The following EPHA6 variants were observed in gnomAD, a reference collection of about 807,000 sequenced individuals.
EPHA6 encodes the protein EPH receptor A6, also known as ephrin type-A receptor 6.
EPHA6 carries 50 observed loss-of-function variants against 112.0 expected under a neutral mutation model. The observed-to-expected ratio is 0.45, with a 90% confidence interval of 0.36 to 0.56. The LOEUF is 0.56. Ranked by LOEUF, EPHA6 falls within the 20% of genes least tolerant of loss-of-function variation. The probability of loss-of-function intolerance (pLI) is 0.00; values close to 1 mark genes in which losing one functional copy is unlikely to be tolerated. For missense variants in EPHA6, 1,280 were observed against 1,417.4 expected (o/e 0.90, Z 1.56); for synonymous variants, 529 against 490.7 (o/e 1.08, Z -1.03).
At chr3:97,159,009 T>C (rs2076353298) in intron 3 of EPHA6, among the ~76,000 whole-genome samples, 1 of 152,148 alleles carries the variant, frequency 6.6e-6, no homozygotes. Flanking sequence ...TCCCTTTGGC[T>C]AAATGAGTTT....
At chr3:97,056,758 C>T (rs938699955) in intron 3 of EPHA6, among the ~76,000 whole-genome samples, 10 of 152,094 alleles carry the variant, frequency 6.6e-5, no homozygotes, top group Admixed American at 1.3e-4. Flanking sequence ...GTTTGCAACG[C>T]GGCATCTTCA....
At position 97,748,743 on chromosome 3, in the gene EPHA6, A is replaced by C; in HGVS notation, c.*42A>C. 2.0e-6 allele frequency: 2 copies of C among 1,008,700 alleles called. No individual in the cohort carries two copies. The highest frequency in any genetic ancestry group is 2.6e-5 in the South Asian group (2 of 75,676). 62.5% of individuals were successfully genotyped at this position (1,008,700 alleles called of 1,614,324 possible). A position where few individuals can be genotyped will look rare whatever the true frequency, so the allele number is the denominator to read the frequency against. On this transcript the variant is annotated 3_prime_UTR_variant, in exon 18 of 18. Coordinates refer to ENST00000389672, the MANE Select transcript of EPHA6 (RefSeq NM_001080448.3). ...TGTGTTTTGTGCCTCAGCATTTCTA[A>C]AATGAACGATATCCTCTCTACTACT...
intron 14 of EPHA6, among the ~76,000 whole-genome samples, chr3:97,697,998 T>TTTTG (rs992947935): frequency 5.9e-5 from 9 of 152,276 alleles, no homozygotes; most frequent in South Asian, 2.1e-4. Context: ...AATGCATGTT[T>TTTTG]TTTGTTTGTT....
intron 5 of EPHA6, among the ~76,000 whole-genome samples, chr3:97,245,847 GCA>G (rs145664862): frequency 1.3e-5 from 2 of 150,000 alleles, no homozygotes; most frequent in Admixed American, 6.7e-5. Flanking sequence ...TAAATGTCAT[GCA>G]CACACACACA....
chr3:97,328,534 AATTG>A (rs2082598946), intron 5 of EPHA6, among the ~76,000 whole-genome samples: 1 of 151,698 alleles, frequency 6.6e-6, no homozygotes, highest in African/African-American at 2.4e-5. Flanking sequence ...CACATTCTCT[AATTG>A]ATTGTTTTTT....
At chr3:97,613,785 G>T (rs1211476287) in intron 13 of EPHA6, among the ~76,000 whole-genome samples, 1 of 152,196 alleles carries the variant, frequency 6.6e-6, no homozygotes. Flanking sequence ...TCACCAATGT[G>T]CAGAATTTTT....
At chr3:97,061,692 A>G (rs2046026516) in intron 3 of EPHA6, among the ~76,000 whole-genome samples, 1 of 152,192 alleles carries the variant, frequency 6.6e-6, no homozygotes. Flanking sequence ...GCTATCTCTG[A>G]AAGTCACTTA....
intron 5 of EPHA6, among the ~76,000 whole-genome samples, chr3:97,384,341 G>A (rs2085930211): frequency 6.6e-6 from 1 of 152,196 alleles, no homozygotes; most frequent in Admixed American, 6.5e-5. Flanking sequence ...TGACCAGTGA[G>A]AAGCAATGCT....
At chr3:97,004,442 C>A (rs1431362436) in intron 3 of EPHA6, among the ~76,000 whole-genome samples, 1 of 152,044 alleles carries the variant, frequency 6.6e-6, no homozygotes, top group Non-Finnish European at 1.5e-5. Context: ...TACATTTCTT[C>A]TTTTGAGAAG....
At chr3:97,032,666 A>C (rs141823818) in intron 3 of EPHA6, among the ~76,000 whole-genome samples, 1 of 151,910 alleles carries the variant, frequency 6.6e-6, no homozygotes, top group East Asian at 1.9e-4. Flanking sequence ...GTAATCGAGA[A>C]TTCTAATCTG....
intron 1 of EPHA6, among the ~76,000 whole-genome samples, chr3:96,864,188 T>C (rs868661811): frequency 1.3e-5 from 2 of 152,016 alleles, no homozygotes; most frequent in Admixed American, 1.3e-4. Context: ...AAAACAAACA[T>C]TTTCTGTATA....
chr3:97,292,455 A>G (rs1294925851), intron 5 of EPHA6, among the ~76,000 whole-genome samples: 1 of 152,274 alleles, frequency 6.6e-6, no homozygotes, highest in Admixed American at 6.5e-5. Flanking sequence ...AGCAAGGCAG[A>G]GAGGAGCTTC....
At chr3:96,929,676 C>T (rs1422892270) in intron 2 of EPHA6, among the ~76,000 whole-genome samples, 1 of 152,128 alleles carries the variant, frequency 6.6e-6, no homozygotes, top group Non-Finnish European at 1.5e-5. Context: ...TCATTTCAAC[C>T]TTGAAGACTG....
chr3:97,072,861 C>G (rs1355022029), intron 3 of EPHA6, among the ~76,000 whole-genome samples: 2 of 152,074 alleles, frequency 1.3e-5, no homozygotes, highest in Non-Finnish European at 2.9e-5. Context: ...TTAATCTAAC[C>G]TTAGATTTTC....
At chr3:97,383,636 C>T (rs986680249) in intron 5 of EPHA6, among the ~76,000 whole-genome samples, 4 of 152,030 alleles carry the variant, frequency 2.6e-5, no homozygotes, top group Admixed American at 1.3e-4. Context: ...GATTAGCATT[C>T]CCCCAAAGTA....
At chr3:96,976,820 T>A (rs890125416) in intron 2 of EPHA6, among the ~76,000 whole-genome samples, 40 of 152,188 alleles carry the variant, frequency 2.6e-4, no homozygotes, top group African/African-American at 9.6e-4. Flanking sequence ...TAGACTTTCT[T>A]GCTCAAATGG....
chr3:97,306,417 A>T (rs2081322806), intron 5 of EPHA6, among the ~76,000 whole-genome samples: 1 of 150,952 alleles, frequency 6.6e-6, no homozygotes, highest in African/African-American at 2.4e-5. Context: ...GGGCATTAGC[A>T]CTCTGGGAAG....
At chr3:97,100,111 G>C (rs1413204774) in intron 3 of EPHA6, among the ~76,000 whole-genome samples, 2 of 151,694 alleles carry the variant, frequency 1.3e-5, no homozygotes, top group Non-Finnish European at 2.9e-5. Context: ...AATGCAGGAG[G>C]AACTAGCAAA....
chr3:97,388,463 G>A (rs181530482), intron 5 of EPHA6, among the ~76,000 whole-genome samples: 1 of 152,008 alleles, frequency 6.6e-6, no homozygotes, highest in Non-Finnish European at 1.5e-5. Flanking sequence ...TTAGAATTGG[G>A]GGTTTATATA....
Sources: gnomAD v4.1 joint callset for allele counts (sites outside exome capture counted in the v4.1 genomes callset) on GRCh38, gnomAD v4.1.1 for gene constraint, MANE v1.5 for transcripts, NCBI Gene and HGNC (gene_info 2026-07-23, HGNC 2026-07-21) for gene names.